The following DYNC2H1 variants were observed in gnomAD, a reference collection of about 807,000 sequenced individuals.
DYNC2H1 encodes dynein cytoplasmic 2 heavy chain 1.
In DYNC2H1, 410 loss-of-function variants were observed where a neutral mutation model predicts 570.0. The observed-to-expected ratio is 0.72, with a 90% CI of 0.66 to 0.78. DYNC2H1 has a LOEUF of 0.78. DYNC2H1 is among the 30% of genes least tolerant of loss of function. DYNC2H1 has a pLI of 0.00. For synonymous variants in DYNC2H1, 1,688 were observed against 1,677.6 expected (o/e 1.01, Z -0.15); for missense variants, 4,865 against 5,046.4 (o/e 0.96, Z 1.09).
At chr11:103,474,339 C>G (rs1042631270) in intron 88 of DYNC2H1, among the ~76,000 whole-genome samples, 3 of 152,146 alleles carry the variant, frequency 2.0e-5, no homozygotes, top group African/African-American at 7.2e-5. Flanking sequence ...TAAAAAAGAA[C>G]TGTTCATTGA....
intron 83 of DYNC2H1, among the ~76,000 whole-genome samples, chr11:103,391,554 T>C (rs1189242360): frequency 2.0e-5 from 3 of 152,254 alleles, no homozygotes; most frequent in Non-Finnish European, 2.9e-5. Flanking sequence ...CTGTGTTCCT[T>C]TGGAAGGGAA....
Position 103,468,696 on chromosome 11 carries a change from G to T in DYNC2H1, c.12756G>T (p.Trp4252Cys). ...CAGTGCTCCCTTGTTTTATGGGCTG[G>T]ATTCCACAGGTAATACATTTTTAAC... ...VSSVLPCFMG[W>C]IPQDACGPYS... The change falls in exon 88 of 89, where the codon TGG becomes TGT. Residue 4252 changes from tryptophan (W) to cysteine (C), a missense_variant. By Grantham distance (215) the Trp-to-Cys change is radical. Around this residue, in one of 5 missense-constraint regions of DYNC2H1, gnomAD observed 2,401 missense variants for 2,454.6 expected, o/e 0.98. Coordinates refer to ENST00000375735, the MANE Select transcript of DYNC2H1 (RefSeq NM_001377.3). 6.2e-7 allele frequency: 1 copy of T among 1,609,324 alleles called. No individual in the cohort carries two copies. Among genetic ancestry groups the T allele is most frequent in the South Asian group, 1.1e-5 (1 of 90,678 alleles).
At chr11:103,310,391 T>A (rs11225683) in intron 78 of DYNC2H1, among the ~76,000 whole-genome samples, 26,276 of 152,032 alleles carry the variant, frequency 0.17, 2,464 homozygotes, top group Admixed American at 0.26. Flanking sequence ...TTCATAATTT[T>A]GGCATATTAG....
At chr11:103,387,008 A>G (rs1274313390) in intron 83 of DYNC2H1, among the ~76,000 whole-genome samples, 2 of 151,972 alleles carry the variant, frequency 1.3e-5, no homozygotes, top group South Asian at 2.1e-4. Context: ...TCCTTTGGGT[A>G]TATACCCAGT....
chr11:103,162,733 G>A (rs978749324), intron 29 of DYNC2H1, among the ~76,000 whole-genome samples: 2 of 152,026 alleles, frequency 1.3e-5, no homozygotes, highest in African/African-American at 2.4e-5. Flanking sequence ...ATATTGGCTT[G>A]TATAGATATA....
intron 13 of DYNC2H1, among the ~76,000 whole-genome samples, chr11:103,131,146 T>C (rs1859245903): frequency 6.6e-6 from 1 of 152,190 alleles, no homozygotes; most frequent in Admixed American, 6.5e-5. Flanking sequence ...GTCTCTCTAC[T>C]TCCATATATT....
At chr11:103,372,096 A>G (rs1466148932) in intron 83 of DYNC2H1, among the ~76,000 whole-genome samples, 4 of 123,336 alleles carry the variant, frequency 3.2e-5, no homozygotes, top group Non-Finnish European at 3.1e-5. Flanking sequence ...GCTGGAGTGC[A>G]GTGGCACGAT....
At chr11:103,144,491 T>C (rs1311707059) in intron 18 of DYNC2H1, among the ~76,000 whole-genome samples, 1 of 152,180 alleles carries the variant, frequency 6.6e-6, no homozygotes, top group Non-Finnish European at 1.5e-5. Flanking sequence ...ATAGTAACAC[T>C]GGAACTAGGA....
At chr11:103,391,199 T>C (rs1942133515) in intron 83 of DYNC2H1, among the ~76,000 whole-genome samples, 1 of 152,198 alleles carries the variant, frequency 6.6e-6, no homozygotes, top group Non-Finnish European at 1.5e-5. Flanking sequence ...TTCATTTCTT[T>C]TTACTCTTTT....
rs755023306 is a variant in DYNC2H1 at position 103,193,447 on chromosome 11, TCA to T, written c.7708+1186_7708+1187del. On this transcript the variant is annotated intron_variant, in intron 47 of 88. Coordinates refer to ENST00000375735, the MANE Select transcript of DYNC2H1 (RefSeq NM_001377.3). The stretch of plus-strand genomic sequence containing the variant: ...AATCCTCTGAAGAGTTTGGTATCTT[TCA>T]CAGTCTCCTGTCTAAGACTCAATAA... Among the ~76,000 whole-genome samples the T allele has an allele frequency of 9.2e-5, 14 of 152,320 alleles. No individual in the cohort carries two copies. The East Asian group carries it at 2.5e-3, about 27-fold the overall frequency.
rs1189962597 is a variant in DYNC2H1 at position 103,244,591 on chromosome 11, C to T, written c.9919-660C>T. ...ATTATATATAACTATATATGCAAATCATTTATGGTTTGCAATATTATGTAT... is the reference window on the plus strand; with the variant it reads ...ATTATATATAACTATATATGCAAATTATTTATGGTTTGCAATATTATGTAT... On this transcript the variant is annotated intron_variant, in intron 64 of 88. Coordinates refer to ENST00000375735, the MANE Select transcript of DYNC2H1 (RefSeq NM_001377.3). The surrounding 1 kb of genome is among the most constrained non-coding windows in gnomAD (Gnocchi z 4.3). 6.7e-6 allele frequency among the ~76,000 whole-genome samples: 1 copy of T among 148,596 alleles called. No homozygotes were observed. Among genetic ancestry groups the T allele is most frequent in the African/African-American group, 2.4e-5 (1 of 40,890 alleles).
At chr11:103,412,706 A>G (rs181645001) in intron 84 of DYNC2H1, among the ~76,000 whole-genome samples, 2 of 152,218 alleles carry the variant, frequency 1.3e-5, no homozygotes, top group African/African-American at 2.4e-5. Flanking sequence ...TCTTTTAATA[A>G]TTTTCAAAAC....
intron 82 of DYNC2H1, among the ~76,000 whole-genome samples, chr11:103,336,775 T>C (rs1939156326): frequency 6.6e-6 from 1 of 152,182 alleles, no homozygotes; most frequent in Non-Finnish European, 1.5e-5. Context: ...AACACTGGAG[T>C]ACAGATACCT....
intron 84 of DYNC2H1, among the ~76,000 whole-genome samples, chr11:103,434,806 T>C (rs1303729635): frequency 6.6e-6 from 1 of 152,088 alleles, no homozygotes; most frequent in Admixed American, 6.6e-5. Flanking sequence ...GGGTCTCTGT[T>C]CATCTCCACA....
chr11:103,437,870 G>A (rs1944117303), intron 85 of DYNC2H1, among the ~76,000 whole-genome samples: 1 of 151,978 alleles, frequency 6.6e-6, no homozygotes, highest in African/African-American at 2.4e-5. Flanking sequence ...AGTTTATAAT[G>A]ATAAATATAT....
At chr11:103,110,656 C>G (rs1347739327) in intron 1 of DYNC2H1, among the ~76,000 whole-genome samples, 3 of 151,748 alleles carry the variant, frequency 2.0e-5, no homozygotes, top group Non-Finnish European at 4.4e-5. Flanking sequence ...TATATATAAG[C>G]CTAAAAGAAA....
At chr11:103,276,220 A>G (rs1865901039) in intron 70 of DYNC2H1, among the ~76,000 whole-genome samples, 1 of 151,136 alleles carries the variant, frequency 6.6e-6, no homozygotes, top group South Asian at 2.1e-4. Flanking sequence ...TCCCCAATAT[A>G]TACTTTTATA....
At position 103,399,685 on chromosome 11, in the gene DYNC2H1, A is replaced by C; in HGVS notation, c.12179A>C (p.Lys4060Thr). The C allele has an allele frequency of 6.2e-7, 1 of 1,613,078 alleles. No homozygotes were observed. The highest frequency in any genetic ancestry group is 8.5e-7 in the Non-Finnish European group (1 of 1,179,364). ...TAGAATTCAAACCTAATACATCAGA[A>C]AGTGCCTCCTCCTAACGATCGACAA... ...LNQNSNLIHQKVPPPNDRQGS... is the reference protein window; with the variant it reads ...LNQNSNLIHQTVPPPNDRQGS... Residue 4060 changes from lysine to threonine, a missense_variant, in exon 84 of 89, where the codon AAA (lysine) becomes ACA (threonine). This residue lies in a region of DYNC2H1 where 2,401 missense variants were observed against 2,454.6 expected (regional missense o/e 0.98). Coordinates refer to ENST00000375735, the MANE Select transcript of DYNC2H1 (RefSeq NM_001377.3).
chr11:103,169,452 C>A (rs1281452656), intron 32 of DYNC2H1, among the ~76,000 whole-genome samples: 1 of 152,134 alleles, frequency 6.6e-6, no homozygotes, highest in African/African-American at 2.4e-5. Context: ...CTTTTTCTAT[C>A]ATAATGAATG....
Sources: allele counts gnomAD v4.1 joint callset (sites outside exome capture counted in the v4.1 genomes callset), GRCh38; gene constraint gnomAD v4.1.1; regional missense constraint gnomAD v4.1.1; non-coding constraint Gnocchi (gnomAD v3.1); transcripts MANE v1.5; gene names NCBI Gene and HGNC (gene_info 2026-07-23, HGNC 2026-07-21).